CCDC62: variants seen among roughly 807,000 people sequenced by gnomAD.
CCDC62 encodes the protein coiled-coil domain containing 62.
CCDC62 carries 72 observed loss-of-function variants against 80.8 expected under a neutral mutation model. The ratio of observed to expected loss-of-function variants is 0.89; its 90% CI spans 0.74 to 1.08. The LOEUF (loss-of-function observed/expected upper bound fraction) is 1.08, where lower values mean the gene tolerates loss of function less well. Among genes scored for constraint, CCDC62 ranks in the 50% least tolerant of loss-of-function variants. The pLI is 0.00. For missense variants in CCDC62, 704 were observed against 809.4 expected, an observed-to-expected ratio of 0.87 and a Z score of 1.58; for synonymous variants, 286 against 296.5, an observed-to-expected ratio of 0.96 and a Z score of 0.36.
chr12:122,816,356 C>T (rs1231625526), intron 11 of CCDC62, among the ~76,000 whole-genome samples: 4 of 152,192 alleles, frequency 2.6e-5, no homozygotes, highest in Non-Finnish European at 5.9e-5. Flanking sequence ...GCTGCTTCTT[C>T]CCCTGTGTCT....
chr12:122,792,357 G>T (rs1247371009), intron 6 of CCDC62, among the ~76,000 whole-genome samples: 1 of 150,562 alleles, frequency 6.6e-6, no homozygotes, highest in Non-Finnish European at 1.5e-5. Context: ...AGTAGCTGGG[G>T]TTACTGGTAT....
intron 11 of CCDC62, among the ~76,000 whole-genome samples, chr12:122,821,608 C>T (rs912821244): frequency 6.7e-6 from 1 of 149,740 alleles, no homozygotes; most frequent in South Asian, 2.1e-4. Flanking sequence ...TGTCACCATG[C>T]CTGGCTAATT....
At position 122,823,400 on chromosome 12, in the gene CCDC62, A is replaced by T; in HGVS notation, c.2036A>T (p.Asn679Ile). Residue 679 changes from asparagine to isoleucine, a missense_variant, in exon 12 of 13, where the codon AAT becomes ATT. Physicochemically the swap from Asn to Ile is moderately radical, Grantham distance 149. Transcript: ENST00000253079. ...GTCCCAGAAGAGTCAGCTCAAAAAA[A>T]TACCTTTGTCAGTTATTGAAGGAAA... Reference protein sequence around the residue: ...SEVPEESAQKNTFVSY With the variant: ...SEVPEESAQKITFVSY 6.2e-7 allele frequency: 1 copy of T among 1,613,560 alleles called. No homozygotes were observed. Among genetic ancestry groups the T allele is most frequent in the Non-Finnish European group, 8.5e-7 (1 of 1,179,462 alleles).
chr12:122,813,378 C>T lies in CCDC62; in HGVS notation c.1960C>T (p.Leu654=). 2 of 1,613,590 alleles carry T rather than the reference C, an allele frequency of 1.2e-6. No individual in the cohort carries two copies. Among genetic ancestry groups the T allele is most frequent in the Non-Finnish European group, 8.5e-7 (1 of 1,179,922 alleles). The change falls in exon 11 of 13, where the codon CTG becomes TTG. Residue 654 remains leucine, a synonymous_variant. Transcript: ENST00000253079. ...MVTDLELSTL[L]PISHENLTGS... Reference sequence around the variant, plus strand: ...GACGGACCTGGAGCTGAGCACACTGCTGCCCATCAGCCATGAGAATCTCAC... The same window carrying T: ...GACGGACCTGGAGCTGAGCACACTGTTGCCCATCAGCCATGAGAATCTCAC...
Position 122,815,648 on chromosome 12 carries a change from C to T in CCDC62, c.2001+2229C>T, listed in dbSNP as rs147595890. 4.0e-5 allele frequency among the ~76,000 whole-genome samples: 6 copies of T among 151,618 alleles called. No homozygotes were observed. In the East Asian group the frequency reaches 5.9e-4, roughly 15 times the overall value. ...TTTTTTGGTAGAGACGGGCTTTCAC[C>T]GTGTTAGCCAGGATGGTCTCCATCT... On this transcript the variant is annotated intron_variant, in intron 11 of 12. Transcript: ENST00000253079.
chr12:122,802,285 C>T (rs1031209207), intron 9 of CCDC62, among the ~76,000 whole-genome samples: 50 of 152,176 alleles, frequency 3.3e-4, no homozygotes, highest in African/African-American at 1.1e-3. Context: ...ATAAAAATGT[C>T]TCTTGGTGCA....
At chr12:122,799,674 AG>A (rs2031174929) in intron 8 of CCDC62, among the ~76,000 whole-genome samples, 1 of 152,210 alleles carries the variant, frequency 6.6e-6, no homozygotes, top group Non-Finnish European at 1.5e-5. Context: ...AGTCTTTGAA[AG>A]GGAGAGGGAT....
Position 122,784,186 on chromosome 12 carries a change from A to G in CCDC62, c.397-1533A>G, listed in dbSNP as rs146629273. ...AGATTGCCTTTTTTCACTTAGTAAC[A>G]CACATTTAAATTTCCTCCTAAAGAT... On this transcript the variant is annotated intron_variant, in intron 3 of 12. Transcript: ENST00000253079. 4.6e-5 allele frequency among the ~76,000 whole-genome samples: 7 copies of G among 152,196 alleles called. No individual in the cohort carries two copies. The East Asian group carries it at 1.2e-3, about 25-fold the overall frequency.
At position 122,813,359 on chromosome 12, in the gene CCDC62, C is replaced by T. The variant is rs751990186; in HGVS notation, c.1941C>T (p.Asp647=). 1.9e-6 allele frequency: 3 copies of T among 1,613,796 alleles called. No homozygotes were observed. The African/African-American group carries it at 4.0e-5, about 22-fold the overall frequency. Residue 647 remains aspartate (D), a synonymous_variant, in exon 11 of 13, where the codon GAC becomes GAT. Coordinates refer to ENST00000253079, the MANE Select transcript of CCDC62 (RefSeq NM_201435.5). ...CGGAATCTCGTCAGATGGTGACGGA[C>T]CTGGAGCTGAGCACACTGCTGCCCA... is the stretch of plus-strand genomic sequence containing the variant. ...LLAESRQMVT[D]LELSTLLPIS...
At chr12:122,777,244 A>G (rs548664100) in intron 1 of CCDC62, 3 of 396,922 alleles carry the variant, frequency 7.6e-6, no homozygotes, top group South Asian at 7.0e-5. Context: ...GGGTTTTAGA[A>G]ACAGTCCCAC....
chr12:122,796,216 C>T (rs1323767231), intron 6 of CCDC62, among the ~76,000 whole-genome samples: 10 of 150,810 alleles, frequency 6.6e-5, no homozygotes. Context: ...GACAACCCCA[C>T]TGGCCAACAT....
At chr12:122,824,069 T>C (rs929583034) in intron 12 of CCDC62, among the ~76,000 whole-genome samples, 1 of 151,584 alleles carries the variant, frequency 6.6e-6, no homozygotes, top group Non-Finnish European at 1.5e-5. Context: ...AAAATCAGAA[T>C]CTAATATGAA....
At chr12:122,819,412 T>G (rs1161306550) in intron 11 of CCDC62, among the ~76,000 whole-genome samples, 2 of 152,162 alleles carry the variant, frequency 1.3e-5, no homozygotes, top group Admixed American at 6.6e-5. Context: ...GATTCAGTCC[T>G]CCTGTTGGGG....
chr12:122,793,118 G>A (rs920000399), intron 6 of CCDC62, among the ~76,000 whole-genome samples: 1 of 152,116 alleles, frequency 6.6e-6, no homozygotes, highest in African/African-American at 2.4e-5. Flanking sequence ...GCATTAGCCT[G>A]CATTTGGACG....
At chr12:122,795,706 G>T (rs1262895672) in intron 6 of CCDC62, among the ~76,000 whole-genome samples, 1 of 152,190 alleles carries the variant, frequency 6.6e-6, no homozygotes, top group East Asian at 1.9e-4. Flanking sequence ...TTACAGGCGT[G>T]TTCTTTTACA....
chr12:122,816,714 C>G (rs1339999068), intron 11 of CCDC62, among the ~76,000 whole-genome samples: 4 of 152,156 alleles, frequency 2.6e-5, no homozygotes, highest in African/African-American at 9.7e-5. Flanking sequence ...GCCTGGGTGA[C>G]AGAGTGAGAC....
At chr12:122,799,764 G>A (rs2031179444) in intron 8 of CCDC62, among the ~76,000 whole-genome samples, 1 of 152,204 alleles carries the variant, frequency 6.6e-6, no homozygotes, top group African/African-American at 2.4e-5. Flanking sequence ...GGAGAATGGA[G>A]TTGAGAGCAG....
At chr12:122,808,451 T>G (rs1175600347) in intron 10 of CCDC62, among the ~76,000 whole-genome samples, 1 of 152,196 alleles carries the variant, frequency 6.6e-6, no homozygotes, top group Non-Finnish European at 1.5e-5. Flanking sequence ...CATAAGTCTT[T>G]GTATAGACAC....
chr12:122,785,761 G>T lies in CCDC62; in HGVS notation c.439G>T (p.Ala147Ser). 1 of 1,614,004 alleles carries T rather than the reference G, an allele frequency of 6.2e-7. No individual in the cohort carries two copies. Among genetic ancestry groups the T allele is most frequent in the South Asian group, 1.1e-5 (1 of 91,084 alleles). Residue 147 changes from alanine (A) to serine (S), a missense_variant, in exon 4 of 13, where the codon GCC becomes TCC. Transcript: ENST00000253079. ...CAGCAACACGTTAGTGGAACTTTCT[G>T]CCCAGGTAGGACAGCTACAAGCTCG... ...TLSNTLVELS[A>S]QVGQLQAREQ...
Sources: allele counts gnomAD v4.1 joint callset (sites outside exome capture counted in the v4.1 genomes callset), GRCh38; gene constraint gnomAD v4.1.1; transcripts MANE v1.5; gene names NCBI Gene and HGNC (gene_info 2026-07-23, HGNC 2026-07-21).